Variants in KCNIP4 observed in about 807,000 individuals in gnomAD.
KCNIP4 encodes the protein potassium voltage-gated channel interacting protein 4.
Under a neutral mutation model 34.0 loss-of-function variants are expected in KCNIP4, and 12 were observed. The ratio of observed to expected loss-of-function variants is 0.35; its 90% confidence interval spans 0.23 to 0.57. The LOEUF is 0.57. Ranked by LOEUF, KCNIP4 falls within the 20% of genes least tolerant of loss-of-function variation. KCNIP4 has a pLI of 0.83. For missense variants in KCNIP4, 238 were observed against 311.7 expected (o/e 0.76, Z 1.78); for synonymous variants, 124 against 102.2 (o/e 1.21, Z -1.29).
intron 1 of KCNIP4, among the ~76,000 whole-genome samples, chr4:21,046,305 C>T (rs998359217): frequency 1.3e-5 from 2 of 152,180 alleles, no homozygotes; most frequent in African/African-American, 2.4e-5. Context: ...AAACCCTGGA[C>T]ACTGGTTAAG....
intron 1 of KCNIP4, among the ~76,000 whole-genome samples, chr4:20,960,857 G>A (rs1359744688): frequency 6.6e-6 from 1 of 152,152 alleles, no homozygotes; most frequent in African/African-American, 2.4e-5. Flanking sequence ...GTAAGAAGGG[G>A]CAAGAGGTGT....
intron 1 of KCNIP4, among the ~76,000 whole-genome samples, chr4:21,736,227 G>T (rs558759492): frequency 6.6e-6 from 1 of 151,958 alleles, no homozygotes; most frequent in Admixed American, 6.6e-5. Context: ...AGATTTTGGG[G>T]GTTACTCATC....
At chr4:20,876,433 T>C (rs769452467) in intron 2 of KCNIP4, among the ~76,000 whole-genome samples, 70 of 152,208 alleles carry the variant, frequency 4.6e-4, no homozygotes, top group Non-Finnish European at 9.6e-4. Context: ...ACATAAAGTA[T>C]AGTAGCTAGG....
intron 3 of KCNIP4, among the ~76,000 whole-genome samples, chr4:20,784,035 G>A (rs1560462534): frequency 6.6e-6 from 1 of 151,898 alleles, no homozygotes; most frequent in Non-Finnish European, 1.5e-5. Context: ...GGCATCACAG[G>A]GTTTATCCAG....
chr4:21,366,855 A>G (rs1719824843), intron 1 of KCNIP4, among the ~76,000 whole-genome samples: 1 of 152,130 alleles, frequency 6.6e-6, no homozygotes, highest in African/African-American at 2.4e-5. Context: ...TCAATTATGC[A>G]CTAAAAATGG....
chr4:21,415,957 C>T (rs568889162), intron 1 of KCNIP4, among the ~76,000 whole-genome samples: 13 of 152,048 alleles, frequency 8.5e-5, no homozygotes, highest in Non-Finnish European at 1.5e-4. Context: ...TGAACTCTTC[C>T]GACGTAGGCA....
chr4:21,484,468 G>C (rs17524952), intron 1 of KCNIP4, among the ~76,000 whole-genome samples: 18,938 of 151,950 alleles, frequency 0.12, 1,349 homozygotes, highest in South Asian at 0.21. Flanking sequence ...ATTCTCATTT[G>C]ACTGTTAATT....
At chr4:21,127,344 C>A (rs114929064) in intron 1 of KCNIP4, among the ~76,000 whole-genome samples, 1 of 152,204 alleles carries the variant, frequency 6.6e-6, no homozygotes, top group Non-Finnish European at 1.5e-5. Context: ...CATCACTTGC[C>A]TTTAATTCCT....
chr4:21,491,895 A>G (rs2109862500), intron 1 of KCNIP4, among the ~76,000 whole-genome samples: 1 of 152,338 alleles, frequency 6.6e-6, no homozygotes, highest in Non-Finnish European at 1.5e-5. Context: ...ATGCAGAGCA[A>G]TAACTTATTA....
At chr4:21,546,555 A>G (rs2109008301) in intron 1 of KCNIP4, among the ~76,000 whole-genome samples, 1 of 152,276 alleles carries the variant, frequency 6.6e-6, no homozygotes, top group Non-Finnish European at 1.5e-5. Flanking sequence ...AGGAGAAGAC[A>G]TAACATATTC....
At chr4:20,797,810 G>T (rs377084693) in intron 3 of KCNIP4, among the ~76,000 whole-genome samples, 17 of 152,260 alleles carry the variant, frequency 1.1e-4, no homozygotes, top group East Asian at 7.7e-4. Context: ...ACTGAAATTT[G>T]CCAGGAAGAA....
intron 1 of KCNIP4, among the ~76,000 whole-genome samples, chr4:21,204,832 G>A (rs1028664662): frequency 6.6e-6 from 1 of 152,182 alleles, no homozygotes; most frequent in African/African-American, 2.4e-5. Context: ...CTACTAGTAA[G>A]GATGTAGAAA....
At chr4:21,349,364 G>T (rs967254948) in intron 1 of KCNIP4, among the ~76,000 whole-genome samples, 7 of 152,164 alleles carry the variant, frequency 4.6e-5, no homozygotes, top group Non-Finnish European at 7.4e-5. Context: ...TGCTTTGACT[G>T]TAGGTGAAAG....
intron 1 of KCNIP4, among the ~76,000 whole-genome samples, chr4:21,257,301 T>G (rs1280825909): frequency 6.6e-6 from 1 of 152,194 alleles, no homozygotes; most frequent in Non-Finnish European, 1.5e-5. Context: ...TGATATTTTT[T>G]TCATTCATTC....
intron 1 of KCNIP4, chr4:21,853,043 T>C (rs1281905669): frequency 6.6e-6 from 1 of 152,166 alleles, no homozygotes; most frequent in African/African-American, 2.4e-5. Context: ...GAAAAAACAT[T>C]CTTTCAAGGA....
At chr4:21,414,671 G>A (rs1332840709) in intron 1 of KCNIP4, among the ~76,000 whole-genome samples, 1 of 152,152 alleles carries the variant, frequency 6.6e-6, no homozygotes, top group East Asian at 1.9e-4. Context: ...GCCAAGAGGT[G>A]AAAACAATCT....
At chr4:21,891,157 T>C (rs541825247) in intron 1 of KCNIP4, among the ~76,000 whole-genome samples, 12 of 152,142 alleles carry the variant, frequency 7.9e-5, no homozygotes, top group African/African-American at 2.6e-4. Flanking sequence ...ATGTTCCTCA[T>C]AGATAAGGAA....
At chr4:21,696,692 A>G (rs761721171) in intron 1 of KCNIP4, among the ~76,000 whole-genome samples, 1 of 152,212 alleles carries the variant, frequency 6.6e-6, no homozygotes, top group Non-Finnish European at 1.5e-5. Context: ...ATTTTGGAAC[A>G]TATTAAAAAT....
intron 1 of KCNIP4, among the ~76,000 whole-genome samples, chr4:21,445,322 C>G (rs1419513155): frequency 6.6e-6 from 1 of 152,154 alleles, no homozygotes; most frequent in African/African-American, 2.4e-5. Context: ...CCAAGTTAAT[C>G]GTAAGCCAAA....
Sources: allele counts gnomAD v4.1 joint callset (sites outside exome capture counted in the v4.1 genomes callset), GRCh38; gene constraint gnomAD v4.1.1; transcripts MANE v1.5; gene names NCBI Gene and HGNC (gene_info 2026-07-23, HGNC 2026-07-21).